GABPB2: variants seen among roughly 807,000 people sequenced by gnomAD.
GABPB2 encodes the protein GA binding protein transcription factor subunit beta 2, also known as GA-binding protein subunit beta-2.
In GABPB2, 23 loss-of-function variants were observed where a neutral mutation model predicts 39.1. The ratio of observed to expected loss-of-function variants is 0.59; its 90% CI spans 0.42 to 0.83. The LOEUF is 0.83. Among genes scored for constraint, GABPB2 ranks in the 40% least tolerant of loss-of-function variants. The probability of loss-of-function intolerance (pLI) is 0.00; values close to 1 mark genes in which losing one functional copy is unlikely to be tolerated. For missense variants in GABPB2, 467 were observed against 541.1 expected (o/e 0.86, Z 1.36); for synonymous variants, 184 against 199.3 (o/e 0.92, Z 0.65).
chr1:151,117,972 G>C lies in GABPB2; in HGVS notation c.1063G>C (p.Glu355Gln). 3 of 1,611,670 alleles carry C rather than the reference G, an allele frequency of 1.9e-6. No homozygotes were observed. The highest frequency in any genetic ancestry group is 2.5e-6 in the Non-Finnish European group (3 of 1,178,556). Residue 355 changes from glutamate (E) to glutamine (Q), a missense_variant, in exon 9 of 9, where the codon GAG becomes CAG. Glu to Gln is a conservative substitution (Grantham distance 29, BLOSUM62 2). Transcript: ENST00000368918. ...VEESKEGNER[E>Q]LLQQQLQEAN... ...ACTTTTACAGGAAGGCAATGAAAGA[G>C]AGCTACTACAGCAACAACTCCAGGA...
chr1:151,098,055 C>G, intron 5 of GABPB2, 53 bp downstream of exon 5: 1 of 1,527,464 alleles, frequency 6.5e-7, no homozygotes, highest in Non-Finnish European at 9.0e-7. Flanking sequence ...GAACAGAACC[C>G]TAGATTTTCC....
chr1:151,119,736 CA>C lies in GABPB2; in HGVS notation c.*1487del. 2 of 151,606 alleles carry C rather than the reference CA, an allele frequency of 1.3e-5. No homozygotes were observed. Among genetic ancestry groups the C allele is most frequent in the Non-Finnish European group, 2.9e-5 (2 of 68,310 alleles). The allele number at this position is 151,606 out of a possible 1,614,324, so 9.4% of individuals were successfully genotyped here. ...CTGGCGACACAGTGAGACTCTGTCT[CA>C]AAAAAACAAAACAAACAAACAAAAA... On this transcript the variant is annotated 3_prime_UTR_variant, in exon 9 of 9. Transcript: ENST00000368918.
intron 5 of GABPB2, among the ~76,000 whole-genome samples, chr1:151,101,082 A>C (rs1352736411): frequency 6.7e-6 from 1 of 148,396 alleles, no homozygotes; most frequent in African/African-American, 2.5e-5. Flanking sequence ...TGGTCTGTAC[A>C]AAAAATACAA....
At chr1:151,078,049 T>G (rs1337053382) in intron 1 of GABPB2, among the ~76,000 whole-genome samples, 1 of 150,252 alleles carries the variant, frequency 6.7e-6, no homozygotes, top group Non-Finnish European at 1.5e-5. Flanking sequence ...GGCAGGTGGA[T>G]CCCCTGAAGT....
At chr1:151,103,459 G>A in intron 5 of GABPB2, 103 bp from the exon 6 acceptor site, 1 of 694,582 alleles carries the variant, frequency 1.4e-6, no homozygotes, top group Non-Finnish European at 2.6e-6. Flanking sequence ...CAAGATTGAG[G>A]ACATTAGAAG....
chr1:151,103,511 C>T (rs1679702220), intron 5 of GABPB2, 51 bp from the exon 6 acceptor site: 6 of 1,213,076 alleles, frequency 4.9e-6, no homozygotes, highest in Non-Finnish European at 7.3e-6. Context: ...TTTTAATTTG[C>T]CTCAATTTTT....
At chr1:151,093,919 A>G (rs1678904665) in intron 4 of GABPB2, among the ~76,000 whole-genome samples, 1 of 152,054 alleles carries the variant, frequency 6.6e-6, no homozygotes, top group South Asian at 2.1e-4. Flanking sequence ...CTTTCACACC[A>G]TGGCAAAGTT....
At chr1:151,088,558 A>G in intron 2 of GABPB2, 1 of 797,624 alleles carries the variant, frequency 1.3e-6, no homozygotes, top group Non-Finnish European at 1.8e-6. Flanking sequence ...TTTTTAGAGT[A>G]TTTTCTAAAG....
At chr1:151,103,531 T>A (rs1679703473) in intron 5 of GABPB2, 31 bp from the exon 6 acceptor site, 2 of 1,453,740 alleles carry the variant, frequency 1.4e-6, no homozygotes, top group East Asian at 4.5e-5. Context: ...TTCTCTACAT[T>A]GGACCTCATT....
intron 5 of GABPB2, among the ~76,000 whole-genome samples, chr1:151,100,231 G>A (rs755409202): frequency 1.4e-5 from 2 of 148,110 alleles, no homozygotes; most frequent in South Asian, 4.2e-4. Flanking sequence ...TGCAACCTCC[G>A]CCTCCTGGGT....
chr1:151,085,537 T>A (rs1228672439), intron 1 of GABPB2, among the ~76,000 whole-genome samples: 3 of 151,904 alleles, frequency 2.0e-5, no homozygotes, highest in African/African-American at 7.3e-5. Context: ...GCCTCCAGGG[T>A]TCACACCATT....
At chr1:151,085,471 C>T (rs995557278) in intron 1 of GABPB2, among the ~76,000 whole-genome samples, 12 of 152,050 alleles carry the variant, frequency 7.9e-5, no homozygotes, top group African/African-American at 1.7e-4. Flanking sequence ...GACGGAGTCT[C>T]GCTCTGTTGC....
At chr1:151,082,430 C>T (rs183237348) in intron 1 of GABPB2, among the ~76,000 whole-genome samples, 1,290 of 96,648 alleles carry the variant, frequency 0.013, 35 homozygotes, top group African/African-American at 0.05. Context: ...GAGACGGAGT[C>T]TTGCTCTGTC....
intron 7 of GABPB2, among the ~76,000 whole-genome samples, chr1:151,116,178 G>T (rs1181302024): frequency 1.3e-5 from 2 of 152,074 alleles, no homozygotes; most frequent in African/African-American, 4.8e-5. Flanking sequence ...GATCACGTGA[G>T]GTCGGGAGTT....
intron 1 of GABPB2, among the ~76,000 whole-genome samples, chr1:151,084,356 G>A (rs1296398853): frequency 6.6e-6 from 1 of 151,578 alleles, no homozygotes; most frequent in Non-Finnish European, 1.5e-5. Flanking sequence ...CTGAGTAGCT[G>A]GGATTACAGG....
At chr1:151,078,639 T>TC (rs1677395630) in intron 1 of GABPB2, among the ~76,000 whole-genome samples, 6 of 151,900 alleles carry the variant, frequency 3.9e-5, no homozygotes, top group African/African-American at 1.5e-4. Context: ...TCTTTTTTTG[T>TC]TTTTGTTTGT....
intron 7 of GABPB2, among the ~76,000 whole-genome samples, chr1:151,110,382 A>G (rs1455624488): frequency 6.6e-6 from 1 of 152,042 alleles, no homozygotes; most frequent in Non-Finnish European, 1.5e-5. Flanking sequence ...GGTAGGTGAG[A>G]GACTCTGCTT....
At chr1:151,075,086 G>A (rs187790057) in intron 1 of GABPB2, among the ~76,000 whole-genome samples, 25 of 152,134 alleles carry the variant, frequency 1.6e-4, no homozygotes, top group Non-Finnish European at 3.5e-4. Context: ...AGGTTGTGGC[G>A]AGCCGAGATC....
chr1:151,088,320 TTAA>T (rs1281575783), intron 2 of GABPB2, 23 bp downstream of exon 2: 1 of 1,574,952 alleles, frequency 6.3e-7, no homozygotes, highest in African/African-American at 1.3e-5. Flanking sequence ...GAGAGGTCTC[TTAA>T]TTATTTCCAA....
Sources: allele counts gnomAD v4.1 joint callset (sites outside exome capture counted in the v4.1 genomes callset), GRCh38; gene constraint gnomAD v4.1.1; transcripts MANE v1.5; gene names NCBI Gene and HGNC (gene_info 2026-07-23, HGNC 2026-07-21).